Variants in SCNN1B observed in about 807,000 individuals in gnomAD.
SCNN1B encodes sodium channel epithelial 1 subunit beta, also known as epithelial sodium channel subunit beta.
In SCNN1B, 46 loss-of-function variants were observed where a neutral mutation model predicts 65.3. The ratio of observed to expected loss-of-function variants is 0.70; its 90% confidence interval spans 0.56 to 0.90. The LOEUF is 0.90. SCNN1B is among the 40% of genes least tolerant of loss of function. The pLI, the probability that SCNN1B is intolerant of heterozygous loss-of-function variation, is 0.00. For missense variants in SCNN1B, 751 were observed against 830.5 expected (o/e 0.90, Z 1.18); for synonymous variants, 349 against 330.6 (o/e 1.06, Z -0.60).
At position 23,373,619 on chromosome 16, in the gene SCNN1B, A is replaced by G. The variant is rs535577793; in HGVS notation, c.1152+1736A>G. ...CCTCTCCAGCCCAGTCTGCCTTGCC[A>G]TATCAGTGCACTGAGTCATAACAAG... On this transcript the variant is annotated intron_variant, in intron 7 of 12. Transcript: ENST00000343070. Among the ~76,000 whole-genome samples the G allele has an allele frequency of 1.2e-4, 18 of 152,274 alleles. No individual in the cohort carries two copies. The East Asian group carries it at 3.5e-3, about 29-fold the overall frequency.
At chr16:23,325,549 G>A (rs1283696432) in intron 1 of SCNN1B, among the ~76,000 whole-genome samples, 1 of 142,000 alleles carries the variant, frequency 7.0e-6, no homozygotes, top group African/African-American at 3.1e-5. Flanking sequence ...TTACAGGTAT[G>A]AGCCACCGTG....
intron 1 of SCNN1B, among the ~76,000 whole-genome samples, chr16:23,313,212 G>C (rs1290419401): frequency 6.6e-6 from 1 of 152,130 alleles, no homozygotes; most frequent in African/African-American, 2.4e-5. Flanking sequence ...TGAAAATACA[G>C]TGGTGACCCA....
intron 7 of SCNN1B, 42 bp from the exon 8 acceptor site, chr16:23,375,696 C>A: frequency 2.2e-6 from 3 of 1,371,000 alleles, no homozygotes; most frequent in Non-Finnish European, 3.1e-6. Flanking sequence ...CATCACTGAC[C>A]ATGCCTGTGT....
intron 1 of SCNN1B, among the ~76,000 whole-genome samples, chr16:23,307,218 C>A (rs1213482090): frequency 2.0e-5 from 3 of 151,826 alleles, no homozygotes; most frequent in Middle Eastern, 3.2e-3. Context: ...AGAGTGAATG[C>A]ACTGCACAGT....
chr16:23,366,597 G>A (rs1209752542), intron 4 of SCNN1B, among the ~76,000 whole-genome samples: 1 of 152,076 alleles, frequency 6.6e-6, no homozygotes, highest in Non-Finnish European at 1.5e-5. Context: ...AGCCGGGTGT[G>A]GTGGCGGGTG....
chr16:23,345,937 G>C (rs1414850335), intron 1 of SCNN1B, among the ~76,000 whole-genome samples: 1 of 152,188 alleles, frequency 6.6e-6, no homozygotes, highest in African/African-American at 2.4e-5. Flanking sequence ...TCCAGGAATA[G>C]AGCTGGGATG....
Position 23,360,956 on chromosome 16 carries a change from G to A in SCNN1B, c.776+5467G>A, listed in dbSNP as rs370721479. Among the ~76,000 whole-genome samples the A allele has an allele frequency of 2.4e-3, 367 of 152,116 alleles. 3 individuals are homozygous for A. The highest frequency in any genetic ancestry group is 8.3e-3 in the African/African-American group (343 of 41,516). On this transcript the variant is annotated intron_variant, in intron 4 of 12. Transcript: ENST00000343070. ...ACTACAGGCAGCCGCCACCACAACC[G>A]GCTAATTTTTTGTATTTTTAGTAGA...
chr16:23,381,291 C>T lies in SCNN1B; in HGVS notation c.*490C>T, dbSNP rs138092568. On this transcript the variant is annotated 3_prime_UTR_variant, in exon 13 of 13. Coordinates refer to ENST00000343070, the MANE Select transcript of SCNN1B (RefSeq NM_000336.3). ...CTCTAGAAAATAAAAGTAGAAAATA[C>T]TGAGTCCAGCTGTGTTGTTTGTTTG... is the stretch of plus-strand genomic sequence containing the variant. The T allele has an allele frequency of 3.5e-5, 6 of 170,800 alleles. No homozygotes were observed. The highest frequency in any genetic ancestry group is 7.6e-5 in the Non-Finnish European group (6 of 78,876). 10.6% of individuals were successfully genotyped at this position (170,800 alleles called of 1,614,324 possible). A position where few individuals can be genotyped will look rare whatever the true frequency, so the allele number is the denominator to read the frequency against.
intron 11 of SCNN1B, among the ~76,000 whole-genome samples, chr16:23,379,630 G>A (rs980432687): frequency 6.6e-6 from 1 of 152,216 alleles, no homozygotes; most frequent in Non-Finnish European, 1.5e-5. Context: ...GTGCAGTGAA[G>A]GCGCTCAAGG....
chr16:23,329,197 A>T (rs951426038), intron 1 of SCNN1B, among the ~76,000 whole-genome samples: 14 of 151,784 alleles, frequency 9.2e-5, no homozygotes, highest in African/African-American at 3.1e-4. Flanking sequence ...CTGCAGCCTC[A>T]TCGGTTTGGG....
At position 23,289,833 on chromosome 16, in the gene SCNN1B, G is replaced by A. The variant is rs1431313656; in HGVS notation, n.178+6029G>A. On this transcript the variant is annotated intron_variant and non_coding_transcript_variant, in intron 2 of 3. Transcript: ENST00000569789. ...TGGGATTACAGGCATGCGCCACCAC[G>A]CCTGGTTAATTTTTGTATTTTTAGT... Among the ~76,000 whole-genome samples, 4 of 151,754 alleles carry A rather than the reference G, an allele frequency of 2.6e-5. No individual in the cohort carries two copies. In the East Asian group the frequency reaches 5.8e-4, roughly 22 times the overall value.
At chr16:23,302,743 G>A (rs1190667616) in intron 1 of SCNN1B, among the ~76,000 whole-genome samples, 3 of 152,162 alleles carry the variant, frequency 2.0e-5, no homozygotes, top group Non-Finnish European at 4.4e-5. Context: ...AGAGTGGGCG[G>A]GGCAAGAAGT....
intron 1 of SCNN1B, chr16:23,304,213 C>T (rs1450866322): frequency 1.5e-5 from 12 of 814,032 alleles, no homozygotes; most frequent in Non-Finnish European, 2.2e-5. Context: ...GGATGAGGTC[C>T]TCTCTTTTCC....
At position 23,378,611 on chromosome 16, in the gene SCNN1B, G is replaced by C. The variant is rs376247645; in HGVS notation, c.1405-95G>C. 4.4e-6 allele frequency: 5 copies of C among 1,143,630 alleles called. No individual in the cohort carries two copies. The African/African-American group carries it at 6.1e-5, about 14-fold the overall frequency. 70.8% of individuals were successfully genotyped at this position (1,143,630 alleles called of 1,614,324 possible). Reference sequence around the variant, plus strand: ...GATTCCCCCGGGGGCCTCAGGAAGGGACAGGGCTGTGGTCTACCTCCCCCA... The same window carrying C: ...GATTCCCCCGGGGGCCTCAGGAAGGCACAGGGCTGTGGTCTACCTCCCCCA... On this transcript the variant is annotated intron_variant, in intron 10 of 12. Coordinates refer to ENST00000343070, the MANE Select transcript of SCNN1B (RefSeq NM_000336.3).
At chr16:23,371,224 G>T in intron 5 of SCNN1B, 75 bp from the exon 6 acceptor site, 1 of 1,552,090 alleles carries the variant, frequency 6.4e-7, no homozygotes, top group African/African-American at 1.4e-5. Context: ...GAGGGAGCTT[G>T]GAGAAGTGGG....
At chr16:23,304,860 T>A (rs1351514551) in intron 1 of SCNN1B, among the ~76,000 whole-genome samples, 1 of 152,120 alleles carries the variant, frequency 6.6e-6, no homozygotes, top group Non-Finnish European at 1.5e-5. Flanking sequence ...ATGGGCATGA[T>A]AATAATGGCA....
At chr16:23,323,696 G>A in intron 1 of SCNN1B, 1 of 672,514 alleles carries the variant, frequency 1.5e-6, no homozygotes, top group Non-Finnish European at 2.7e-6. Flanking sequence ...GAGACATCTA[G>A]GCTGGGACCA....
rs2142051338 is a variant in SCNN1B at position 23,380,977 on chromosome 16, T to C, written c.*176T>C. 4.1e-6 allele frequency: 3 copies of C among 726,878 alleles called. No homozygotes were observed. Among genetic ancestry groups the C allele is most frequent in the Non-Finnish European group, 7.4e-6 (3 of 406,682 alleles). 45.0% of individuals were successfully genotyped at this position (726,878 alleles called of 1,614,324 possible). On this transcript the variant is annotated 3_prime_UTR_variant, in exon 13 of 13. Coordinates refer to ENST00000343070, the MANE Select transcript of SCNN1B (RefSeq NM_000336.3). This position sits in a 1 kb window ranked among gnomAD's most constrained non-coding sequence, Gnocchi z 5.4. Reference sequence around the variant, plus strand: ...CTGGTCCGTTACTGGCCAAGGGCTCTGTAGAATCACGGTGCTGGTACAGGA... The same window carrying C: ...CTGGTCCGTTACTGGCCAAGGGCTCCGTAGAATCACGGTGCTGGTACAGGA...
At chr16:23,342,508 A>G (rs1347882364) in intron 1 of SCNN1B, among the ~76,000 whole-genome samples, 1 of 152,066 alleles carries the variant, frequency 6.6e-6, no homozygotes, top group African/African-American at 2.4e-5. Context: ...CACCCTCCCA[A>G]ATTGCTGGAA....
Sources: allele counts gnomAD v4.1 joint callset (sites outside exome capture counted in the v4.1 genomes callset), GRCh38; gene constraint gnomAD v4.1.1; non-coding constraint Gnocchi (gnomAD v3.1); transcripts MANE v1.5; gene names NCBI Gene and HGNC (gene_info 2026-07-23, HGNC 2026-07-21).